Variants in ABL1 observed in about 807,000 individuals in gnomAD.
ABL1 encodes the protein ABL proto-oncogene 1, non-receptor tyrosine kinase.
A neutral mutation model predicts 94.7 loss-of-function variants in ABL1; 11 were observed. That is an observed-to-expected ratio of 0.12 (90% CI 0.07 to 0.19). The LOEUF (loss-of-function observed/expected upper bound fraction) is 0.19, where lower values mean the gene tolerates loss of function less well. Ranked by LOEUF, ABL1 falls within the 10% of genes least tolerant of loss-of-function variation. The pLI is 1.00. For synonymous variants in ABL1, 656 were observed against 622.4 expected, an observed-to-expected ratio of 1.05 and a Z score of -0.80; for missense variants, 1,082 against 1,489.4, an observed-to-expected ratio of 0.73 and a Z score of 4.50.
chr9:130,724,583 G>A (rs1474776827), intron 1 of ABL1, among the ~76,000 whole-genome samples: 1 of 151,614 alleles, frequency 6.6e-6, no homozygotes, highest in Non-Finnish European at 1.5e-5. Flanking sequence ...GCCAAGATGG[G>A]CGGATCACTT....
chr9:130,773,876 G>C (rs1194011664), intron 1 of ABL1, among the ~76,000 whole-genome samples: 1 of 151,930 alleles, frequency 6.6e-6, no homozygotes. Flanking sequence ...CCCACAAAAC[G>C]ATCACCACAA....
At chr9:130,846,081 C>CTCTGTGTGTGTG (rs367582333) in intron 1 of ABL1, among the ~76,000 whole-genome samples, 1 of 148,062 alleles carries the variant, frequency 6.8e-6, no homozygotes, top group Non-Finnish European at 1.5e-5. Context: ...AAACGTATGT[C>CTCTGTGTGTGTG]TGTGTGTGTG....
chr9:130,775,122 T>C (rs1187061800), intron 1 of ABL1, among the ~76,000 whole-genome samples: 1 of 152,234 alleles, frequency 6.6e-6, no homozygotes, highest in East Asian at 1.9e-4. Context: ...ATTACTACAG[T>C]TCCTAGTTAG....
chr9:130,823,341 G>A, intron 1 of ABL1, among the ~76,000 whole-genome samples: 1 of 152,098 alleles, frequency 6.6e-6, no homozygotes, highest in East Asian at 1.9e-4. Context: ...GTTTTCAATG[G>A]AGAAAGAAAA....
chr9:130,872,921 C>T lies in ABL1; in HGVS notation c.969C>T (p.Leu323=). Residue 323 remains leucine, a synonymous_variant, in exon 6 of 11, where the codon CTC becomes CTT. Transcript: ENST00000318560. The surrounding 1 kb of genome is among the most constrained non-coding windows in gnomAD (Gnocchi z 5.0). The stretch of plus-strand genomic sequence containing the variant: ...CTGAGTTCATGACCTACGGGAACCT[C>T]CTGGACTACCTGAGGGAGTGCAACC... ...IITEFMTYGN[L]LDYLRECNRQ... 6.2e-7 allele frequency: 1 copy of T among 1,614,192 alleles called. No homozygotes were observed. The highest frequency in any genetic ancestry group is 2.2e-5 in the East Asian group (1 of 44,890).
rs1314619306 is a variant in ABL1, at chr9:130,735,953, ATATATATAT to A, written c.136+21500_136+21508del. ...TGTGTGCATATATATATATATATAT[ATATATATAT>A]TTTTTTTTTTTAAGACAGGGTCTGG... On this transcript the variant is annotated intron_variant, in intron 1 of 10. Coordinates refer to the ABL1 transcript ENST00000372348. 2.6e-4 allele frequency among the ~76,000 whole-genome samples: 21 copies of A among 81,508 alleles called. 1 individual carries two copies. The highest frequency in any genetic ancestry group is 2.2e-3 in the African/African-American group (21 of 9,516). 53.5% of individuals were successfully genotyped at this position (81,508 alleles called of 152,430 possible).
chr9:130,775,391 A>G (rs1832298908), intron 1 of ABL1, among the ~76,000 whole-genome samples: 2 of 152,260 alleles, frequency 1.3e-5, no homozygotes, highest in Non-Finnish European at 2.9e-5. Context: ...AAAATGTGAA[A>G]TAGAAAACAA....
At chr9:130,876,345 A>T (rs1831341666) in intron 7 of ABL1, among the ~76,000 whole-genome samples, 2 of 152,082 alleles carry the variant, frequency 1.3e-5, no homozygotes, top group South Asian at 4.1e-4. Context: ...TCATGTAGGA[A>T]GAGCAGGGTC....
chr9:130,859,047 T>C (rs1203972024), intron 3 of ABL1, among the ~76,000 whole-genome samples: 1 of 152,184 alleles, frequency 6.6e-6, no homozygotes, highest in African/African-American at 2.4e-5. Flanking sequence ...CAAACATCTC[T>C]GGGTACCCGG....
chr9:130,736,775 G>A (rs1257675801), intron 1 of ABL1, among the ~76,000 whole-genome samples: 1 of 152,236 alleles, frequency 6.6e-6, no homozygotes, highest in East Asian at 1.9e-4. Flanking sequence ...ACAGGCGTGA[G>A]CCACTGTGCC....
At chr9:130,716,767 C>T (rs529079375) in intron 1 of ABL1, among the ~76,000 whole-genome samples, 52 of 150,626 alleles carry the variant, frequency 3.5e-4, no homozygotes, top group African/African-American at 1.2e-3. Context: ...TTTTCCTCTT[C>T]GGGGTAGAGT....
At chr9:130,832,012 G>A (rs940456078), upstream of ABL1, among the ~76,000 whole-genome samples, 1 of 152,102 alleles carries the variant, frequency 6.6e-6, no homozygotes, top group African/African-American at 2.4e-5. Context: ...CCAAGACTCC[G>A]CATTTTAAGC....
rs1564323628 is a variant in ABL1 at position 130,884,360 on chromosome 9, C to T, written c.2070C>T (p.Ser690=). The stretch of plus-strand genomic sequence containing the variant: ...GGTCTCCCCACCTGTGGAAGAAGTC[C>T]AGCACGCTGACCAGCAGCCGCCTAG... ...GFRSPHLWKK[S]STLTSSRLAT... Residue 690 remains serine (S), a synonymous_variant, in exon 11 of 11, where the codon TCC becomes TCT. Transcript: ENST00000318560. This position sits in a 1 kb window ranked among gnomAD's most constrained non-coding sequence, Gnocchi z 5.6. 2 of 1,612,078 alleles carry T rather than the reference C, an allele frequency of 1.2e-6. No individual in the cohort carries two copies. The highest frequency in any genetic ancestry group is 1.1e-5 in the South Asian group (1 of 91,068).
chr9:130,786,635 A>G (rs988982308), intron 1 of ABL1, among the ~76,000 whole-genome samples: 4 of 152,186 alleles, frequency 2.6e-5, no homozygotes, highest in Non-Finnish European at 4.4e-5. Flanking sequence ...ATGTGAGGGA[A>G]GGGCTGGACC....
chr9:130,770,829 C>A (rs993279155), intron 1 of ABL1, among the ~76,000 whole-genome samples: 4 of 152,126 alleles, frequency 2.6e-5, no homozygotes, highest in Non-Finnish European at 2.9e-5. Context: ...GGGTTGTAGA[C>A]CCGGTACTAT....
At position 130,733,460 on chromosome 9, in the gene ABL1, G is replaced by T. The variant is rs559561192; in HGVS notation, c.136+19005G>T. ...AAAAAATTTTTTTTTCTTGTAGCAG[G>T]GTCTCAGTGTTACTCAGGATGGTCT... On this transcript the variant is annotated intron_variant, in intron 1 of 10. Transcript: ENST00000372348. 2.0e-5 allele frequency among the ~76,000 whole-genome samples: 3 copies of T among 152,100 alleles called. No individual in the cohort carries two copies. In the East Asian group the frequency reaches 5.8e-4, roughly 29 times the overall value.
chr9:130,802,045 C>A (rs1009264748), intron 1 of ABL1, among the ~76,000 whole-genome samples: 1 of 150,764 alleles, frequency 6.6e-6, no homozygotes, highest in South Asian at 2.1e-4. Flanking sequence ...CACTGGAACA[C>A]GTGACATTAT....
chr9:130,818,020 G>C (rs1830312254), intron 1 of ABL1, among the ~76,000 whole-genome samples: 1 of 152,196 alleles, frequency 6.6e-6, no homozygotes, highest in Admixed American at 6.5e-5. Flanking sequence ...CCCTGCCACA[G>C]TATTTTACAA....
chr9:130,848,734 C>T (rs546953514), intron 1 of ABL1, among the ~76,000 whole-genome samples: 16 of 152,040 alleles, frequency 1.1e-4, no homozygotes, highest in East Asian at 5.8e-4. Context: ...GTCAGGAGTT[C>T]GAAACCAGCC....
Sources: allele counts gnomAD v4.1 joint callset (sites outside exome capture counted in the v4.1 genomes callset), GRCh38; gene constraint gnomAD v4.1.1; non-coding constraint Gnocchi (gnomAD v3.1); transcripts MANE v1.5; gene names NCBI Gene and HGNC (gene_info 2026-07-23, HGNC 2026-07-21).